Variants in MIPEP observed in about 807,000 individuals in gnomAD.
MIPEP encodes mitochondrial intermediate peptidase.
In MIPEP, 79 loss-of-function variants were observed where a neutral mutation model predicts 90.3. That is an observed-to-expected ratio of 0.87 (90% CI 0.73 to 1.05). The LOEUF (loss-of-function observed/expected upper bound fraction) is 1.05, where lower values mean the gene tolerates loss of function less well. Ranked by LOEUF, MIPEP falls within the 50% of genes least tolerant of loss-of-function variation. The pLI, the probability that MIPEP is intolerant of heterozygous loss-of-function variation, is 0.00. For missense variants in MIPEP, 940 were observed against 905.6 expected (o/e 1.04, Z -0.49); for synonymous variants, 334 against 315.8 (o/e 1.06, Z -0.61).
At chr13:23,745,698 C>T (rs1038642165) in intron 18 of MIPEP, among the ~76,000 whole-genome samples, 2 of 152,010 alleles carry the variant, frequency 1.3e-5, no homozygotes, top group Non-Finnish European at 2.9e-5. Context: ...GAGGCCGAGG[C>T]GGGCGGATCA....
At chr13:23,764,177 C>T (rs558549716) in intron 16 of MIPEP, among the ~76,000 whole-genome samples, 2 of 152,294 alleles carry the variant, frequency 1.3e-5, no homozygotes, top group South Asian at 2.1e-4. Context: ...CCTTTTATTA[C>T]GGTGAGAGAC....
intron 18 of MIPEP, among the ~76,000 whole-genome samples, chr13:23,736,394 G>C (rs1397373395): frequency 1.3e-5 from 2 of 152,214 alleles, no homozygotes; most frequent in Non-Finnish European, 2.9e-5. Context: ...TAGTTAAAGA[G>C]TGAGAATTTA....
chr13:23,831,838 G>A (rs184682409), intron 14 of MIPEP, among the ~76,000 whole-genome samples: 89 of 152,292 alleles, frequency 5.8e-4, no homozygotes, highest in African/African-American at 2.0e-3. Flanking sequence ...CCACAGCAGA[G>A]GTCAAGGGGC....
chr13:23,765,546 C>G (rs1010151503), intron 16 of MIPEP, among the ~76,000 whole-genome samples: 3 of 152,206 alleles, frequency 2.0e-5, no homozygotes, highest in Non-Finnish European at 4.4e-5. Context: ...TGAAACATAT[C>G]CCTTGAGAAT....
chr13:23,789,324 C>A (rs943209287), intron 16 of MIPEP, among the ~76,000 whole-genome samples: 1 of 152,202 alleles, frequency 6.6e-6, no homozygotes, highest in East Asian at 1.9e-4. Context: ...CATTTACCAA[C>A]CTTCTCTAAA....
chr13:23,748,556 T>C (rs1246614830), intron 18 of MIPEP, among the ~76,000 whole-genome samples: 3 of 152,252 alleles, frequency 2.0e-5, no homozygotes, highest in African/African-American at 7.2e-5. Context: ...AAACAACCCA[T>C]CAAAATTCAT....
At chr13:23,838,063 C>CGA (rs1322637522) in intron 12 of MIPEP, among the ~76,000 whole-genome samples, 1 of 152,184 alleles carries the variant, frequency 6.6e-6, no homozygotes, top group Non-Finnish European at 1.5e-5. Context: ...AAAGAACTTA[C>CGA]GAAGGGACAC....
At chr13:23,752,600 T>C (rs1952453042) in intron 18 of MIPEP, among the ~76,000 whole-genome samples, 1 of 152,222 alleles carries the variant, frequency 6.6e-6, no homozygotes, top group South Asian at 2.1e-4. Context: ...CCTTAAGTTA[T>C]CTTATTACTC....
chr13:23,747,135 C>T (rs1952391987), intron 18 of MIPEP, among the ~76,000 whole-genome samples: 1 of 152,170 alleles, frequency 6.6e-6, no homozygotes, highest in South Asian at 2.1e-4. Context: ...GAAACAAGAC[C>T]TTTGCTTCCA....
rs973177911 is a variant in MIPEP at position 23,760,017 on chromosome 13, C to T, written c.1970+79G>A. 30 of 1,579,276 alleles carry T rather than the reference C, an allele frequency of 1.9e-5. 1 individual carries two copies. Among genetic ancestry groups the T allele is most frequent in the Admixed American group, 5.0e-5 (3 of 59,478 alleles). Reference sequence around the variant, plus strand: ...GCTGTGTTATGTGGGCTGCAGTTCTCGAGCCCGACTTCCAGATGTAATAGA... The same window carrying T: ...GCTGTGTTATGTGGGCTGCAGTTCTTGAGCCCGACTTCCAGATGTAATAGA... On this transcript the variant is annotated intron_variant, in intron 17 of 18. Transcript: ENST00000382172.
chr13:23,763,012 A>G (rs1006802199), intron 16 of MIPEP, among the ~76,000 whole-genome samples: 11 of 152,256 alleles, frequency 7.2e-5, no homozygotes, highest in African/African-American at 2.4e-4. Flanking sequence ...CATCCTATTA[A>G]GATGCAAGTG....
intron 18 of MIPEP, among the ~76,000 whole-genome samples, chr13:23,740,715 C>T (rs1022051589): frequency 1.3e-5 from 2 of 152,184 alleles, no homozygotes; most frequent in Non-Finnish European, 2.9e-5. Flanking sequence ...GATTTCTACT[C>T]CCCACCTTCA....
intron 7 of MIPEP, among the ~76,000 whole-genome samples, chr13:23,867,288 T>C (rs569300155): frequency 6.6e-6 from 1 of 152,286 alleles, no homozygotes; most frequent in African/African-American, 2.4e-5. Context: ...TCCTCAAACG[T>C]GGCAGGCATT....
chr13:23,872,741 G>A (rs1870877625), intron 5 of MIPEP, among the ~76,000 whole-genome samples: 1 of 152,158 alleles, frequency 6.6e-6, no homozygotes. Flanking sequence ...TCATATGTTA[G>A]ATAAAAGCGG....
intron 10 of MIPEP, among the ~76,000 whole-genome samples, chr13:23,856,174 G>A (rs1002676825): frequency 6.6e-6 from 1 of 152,200 alleles, no homozygotes; most frequent in Admixed American, 6.5e-5. Flanking sequence ...AAGCACAGCG[G>A]AGCCAGGAGC....
At chr13:23,803,358 A>T (rs145642620) in intron 16 of MIPEP, among the ~76,000 whole-genome samples, 1 of 152,230 alleles carries the variant, frequency 6.6e-6, no homozygotes, top group Non-Finnish European at 1.5e-5. Context: ...GCAAGACTCC[A>T]TCTCAAAACA....
intron 16 of MIPEP, among the ~76,000 whole-genome samples, chr13:23,775,458 C>T (rs931541775): frequency 1.3e-5 from 2 of 152,264 alleles, no homozygotes; most frequent in African/African-American, 2.4e-5. Context: ...TACTGCCAAT[C>T]AATCCTGAAG....
intron 16 of MIPEP, among the ~76,000 whole-genome samples, chr13:23,789,613 C>T (rs548933414): frequency 5.9e-5 from 9 of 152,304 alleles, no homozygotes; most frequent in African/African-American, 2.2e-4. Context: ...TCATCCTGGC[C>T]TCTGCATTAC....
At chr13:23,789,771 C>A (rs1477938694) in intron 16 of MIPEP, among the ~76,000 whole-genome samples, 1 of 152,198 alleles carries the variant, frequency 6.6e-6, no homozygotes, top group Non-Finnish European at 1.5e-5. Flanking sequence ...CATCCTACGC[C>A]CTCGTGCTCT....
Sources: allele counts gnomAD v4.1 joint callset (sites outside exome capture counted in the v4.1 genomes callset), GRCh38; gene constraint gnomAD v4.1.1; transcripts MANE v1.5; gene names NCBI Gene and HGNC (gene_info 2026-07-23, HGNC 2026-07-21).